The following ELAVL4 variants were observed in gnomAD, a reference collection of about 807,000 sequenced individuals.
The protein encoded by ELAVL4 is ELAV like RNA binding protein 4.
ELAVL4 carries 1 observed loss-of-function variant against 35.6 expected under a neutral mutation model. The observed-to-expected ratio is 0.03, with a 90% CI of 0.01 to 0.13. The LOEUF (loss-of-function observed/expected upper bound fraction) is 0.13. ELAVL4 is among the 10% of genes least tolerant of loss of function. ELAVL4 has a pLI of 1.00. For missense variants in ELAVL4, 267 were observed against 464.9 expected (o/e 0.57, Z 3.91); for synonymous variants, 156 against 171.0 (o/e 0.91, Z 0.69).
At chr1:50,070,244 TA>T (rs1664450045) in intron 1 of ELAVL4, among the ~76,000 whole-genome samples, 1 of 152,156 alleles carries the variant, frequency 6.6e-6, no homozygotes, top group African/African-American at 2.4e-5. Flanking sequence ...GGAAATAGAA[TA>T]AAACTTCAAA....
intron 1 of ELAVL4, among the ~76,000 whole-genome samples, chr1:50,050,693 C>T (rs1257536761): frequency 6.6e-6 from 1 of 151,904 alleles, no homozygotes; most frequent in Non-Finnish European, 1.5e-5. Flanking sequence ...TAATTTGGTA[C>T]TAGTTTTCAT....
chr1:50,196,180 CAGA>C (rs1644047241), intron 5 of ELAVL4, among the ~76,000 whole-genome samples: 1 of 152,202 alleles, frequency 6.6e-6, no homozygotes, highest in Admixed American at 6.5e-5. Context: ...AGATCCTTGC[CAGA>C]AGGAGTTGTT....
chr1:50,169,302 T>C (rs2148798025), intron 2 of ELAVL4, among the ~76,000 whole-genome samples: 1 of 152,278 alleles, frequency 6.6e-6, no homozygotes, highest in East Asian at 1.9e-4. Context: ...TTAATCTCTT[T>C]TGGCAGCACC....
At chr1:50,102,618 T>G (rs1264814729), upstream of ELAVL4, among the ~76,000 whole-genome samples, 1 of 152,240 alleles carries the variant, frequency 6.6e-6, no homozygotes, top group East Asian at 1.9e-4. Context: ...AAACACTATA[T>G]CCTTTAATGG....
intron 1 of ELAVL4, among the ~76,000 whole-genome samples, chr1:50,138,085 T>A (rs367730607): frequency 5.9e-5 from 9 of 152,328 alleles, no homozygotes; most frequent in African/African-American, 1.7e-4. Flanking sequence ...TGAAGATGAT[T>A]GACACTATAT....
chr1:50,198,604 CTGTT>C (rs1557870050), intron 6 of ELAVL4, among the ~76,000 whole-genome samples: 1 of 152,234 alleles, frequency 6.6e-6, no homozygotes, highest in Non-Finnish European at 1.5e-5. Context: ...TTCCAGCACA[CTGTT>C]TGCCTGTTCC....
At chr1:50,189,972 G>A (rs1182425742) in intron 3 of ELAVL4, among the ~76,000 whole-genome samples, 2 of 152,178 alleles carry the variant, frequency 1.3e-5, no homozygotes, top group African/African-American at 4.8e-5. Flanking sequence ...CCAGGGATGG[G>A]GAGAGCTGAG....
Position 50,048,793 on chromosome 1 carries a change from G to A in ELAVL4, c.18+611G>A, listed in dbSNP as rs1243888873. ...TCTAGACGAGATTGGGAAGGCGCGT[G>A]TGTTACACTAAGCAGTGCTCATGTT... On this transcript the variant is annotated intron_variant, in intron 1 of 6. Transcript: ENST00000448907. 1.5e-4 allele frequency among the ~76,000 whole-genome samples: 23 copies of A among 152,210 alleles called. 1 individual carries two copies. The highest frequency in any genetic ancestry group is 1.5e-5 in the Non-Finnish European group (1 of 68,040).
intron 1 of ELAVL4, among the ~76,000 whole-genome samples, chr1:50,133,230 A>C (rs980873931): frequency 2.0e-5 from 3 of 152,216 alleles, no homozygotes; most frequent in Admixed American, 2.0e-4. Context: ...GAATATGAAC[A>C]TAAGAAGAGA....
chr1:50,129,318 A>G (rs374291075), intron 1 of ELAVL4, among the ~76,000 whole-genome samples: 2 of 152,214 alleles, frequency 1.3e-5, no homozygotes, highest in African/African-American at 4.8e-5. Context: ...GGATGGACCA[A>G]GAACAACCCT....
intron 1 of ELAVL4, chr1:50,109,827 G>C: frequency 5.0e-6 from 7 of 1,396,980 alleles, no homozygotes; most frequent in Non-Finnish European, 7.0e-6. Flanking sequence ...GGCGTGTTGA[G>C]TTGTTGCTTC....
chr1:50,109,032 CA>C lies in ELAVL4; in HGVS notation c.-153del, dbSNP rs1666624794. 41 of 979,308 alleles carry C rather than the reference CA, an allele frequency of 4.2e-5. No individual in the cohort carries two copies. The highest frequency in any genetic ancestry group is 4.9e-5 in the Non-Finnish European group (40 of 824,644). The allele number at this position is 979,308 out of a possible 1,614,324, so 60.7% of individuals were successfully genotyped here. On this transcript the variant is annotated 5_prime_UTR_variant, in exon 1 of 7. Coordinates refer to ENST00000371824, the MANE Select transcript of ELAVL4 (RefSeq NM_001144774.3). ...TCTTTCTCTCCCCCGCCCACCCCCC[CA>C]AAAATAATTGATTTGCTTTACAATC... is the stretch of plus-strand genomic sequence containing the variant.
intron 1 of ELAVL4, among the ~76,000 whole-genome samples, chr1:50,077,770 T>C (rs1357055473): frequency 6.6e-6 from 1 of 152,208 alleles, no homozygotes; most frequent in Non-Finnish European, 1.5e-5. Flanking sequence ...GATAATAGCT[T>C]AATTTTATCC....
At chr1:50,170,664 T>G (rs1234716116) in intron 2 of ELAVL4, among the ~76,000 whole-genome samples, 1 of 152,198 alleles carries the variant, frequency 6.6e-6, no homozygotes, top group African/African-American at 2.4e-5. Flanking sequence ...GGATGGGACC[T>G]GAAGATCTGC....
chr1:50,186,297 AT>A lies in ELAVL4; in HGVS notation c.355-7459del, dbSNP rs35871729. Among the ~76,000 whole-genome samples, 155 of 151,258 alleles carry A rather than the reference AT, an allele frequency of 1.0e-3. 3 individuals carry two copies. The South Asian group carries it at 0.022, about 21-fold the overall frequency. On this transcript the variant is annotated intron_variant, in intron 3 of 6. Transcript: ENST00000371824. ...TACATTTCATTTCACTTGAGAGAGC[AT>A]TTTTTTTTGAGCTCTTGCCCTGATA...
intron 1 of ELAVL4, among the ~76,000 whole-genome samples, chr1:50,128,248 A>G (rs2148623998): frequency 6.6e-6 from 1 of 152,228 alleles, no homozygotes; most frequent in East Asian, 1.9e-4. Context: ...GCCTCTTGGG[A>G]TAGTTTGAAG....
At chr1:50,180,506 ACT>A (rs1459305774) in intron 3 of ELAVL4, 1 of 152,052 alleles carries the variant, frequency 6.6e-6, no homozygotes, top group Non-Finnish European at 1.5e-5. Flanking sequence ...GTGTTACATG[ACT>A]CTGTGTGAAT....
chr1:50,156,031 GCACACA>G (rs151228970), intron 2 of ELAVL4, among the ~76,000 whole-genome samples: 1 of 149,322 alleles, frequency 6.7e-6, no homozygotes, highest in African/African-American at 2.5e-5. Context: ...GCACAGGCAC[GCACACA>G]CACACACACA....
chr1:50,172,558 C>A (rs750301137), intron 2 of ELAVL4, among the ~76,000 whole-genome samples: 8 of 152,140 alleles, frequency 5.3e-5, no homozygotes, highest in Non-Finnish European at 1.2e-4. Context: ...TCTATTGGAA[C>A]ACAGCTACAC....
Sources: gnomAD v4.1 joint callset for allele counts (sites outside exome capture counted in the v4.1 genomes callset) on GRCh38, gnomAD v4.1.1 for gene constraint, MANE v1.5 for transcripts, NCBI Gene and HGNC (gene_info 2026-07-23, HGNC 2026-07-21) for gene names.